The following KHDRBS2 variants were observed in gnomAD, a reference collection of about 807,000 sequenced individuals.
KHDRBS2 encodes the protein KH domain-containing, RNA-binding, signal transduction-associated protein 2.
Under a neutral mutation model 44.3 loss-of-function variants are expected in KHDRBS2, and 26 were observed. The ratio of observed to expected loss-of-function variants is 0.59; its 90% confidence interval spans 0.43 to 0.81. KHDRBS2 has a LOEUF of 0.81. Ranked by LOEUF, KHDRBS2 falls within the 40% of genes least tolerant of loss-of-function variation. The pLI, the probability that KHDRBS2 is intolerant of heterozygous loss-of-function variation, is 0.00. For missense variants in KHDRBS2, 476 were observed against 433.1 expected, an observed-to-expected ratio of 1.10 and a Z score of -0.88; for synonymous variants, 194 against 151.1, an observed-to-expected ratio of 1.28 and a Z score of -2.08.
At chr6:62,020,738 T>C (rs1305531152) in intron 3 of KHDRBS2, among the ~76,000 whole-genome samples, 5 of 152,068 alleles carry the variant, frequency 3.3e-5, no homozygotes, top group African/African-American at 1.2e-4. Context: ...AGTTATCTGA[T>C]ATAAATATGG....
chr6:62,155,466 A>G (rs1816150856), intron 2 of KHDRBS2, among the ~76,000 whole-genome samples: 1 of 152,322 alleles, frequency 6.6e-6, no homozygotes, highest in African/African-American at 2.4e-5. Flanking sequence ...TAGCAAATAC[A>G]TGGATCGGAA....
In KHDRBS2 at chr6:61,894,648, G is replaced by A; in HGVS notation, c.797C>T (p.Ala266Val). 1 of 1,611,040 alleles carries A rather than the reference G, an allele frequency of 6.2e-7. No homozygotes were observed. The highest frequency in any genetic ancestry group is 8.5e-7 in the Non-Finnish European group (1 of 1,179,070). ...YRAPPPPAHE[A>V]YEEYGYDDGY... ...AAGAGTACTTACATATTCTTCATAAGCTTCATGGGCTGGAGGAGGAGGTGC... is the reference window on the plus strand; with the variant it reads ...AAGAGTACTTACATATTCTTCATAAACTTCATGGGCTGGAGGAGGAGGTGC... The change falls in exon 6 of 9, where the codon GCT (alanine) becomes GTT (valine). Residue 266 changes from alanine (A) to valine (V), a missense_variant. Physicochemically the swap from Ala to Val is moderately conservative, Grantham distance 64. Transcript: ENST00000281156.
At chr6:62,261,337 T>C (rs1489558985) in intron 1 of KHDRBS2, among the ~76,000 whole-genome samples, 1 of 151,844 alleles carries the variant, frequency 6.6e-6, no homozygotes, top group Non-Finnish European at 1.5e-5. Context: ...CACTGGAAGA[T>C]TATAATTATC....
chr6:62,202,506 A>G (rs1286323428), intron 1 of KHDRBS2, among the ~76,000 whole-genome samples: 1 of 150,384 alleles, frequency 6.6e-6, no homozygotes, highest in African/African-American at 2.4e-5. Flanking sequence ...ACAGAGAGAG[A>G]GATTTTTTTT....
At chr6:61,987,259 C>T (rs1020278734) in intron 3 of KHDRBS2, among the ~76,000 whole-genome samples, 6 of 152,108 alleles carry the variant, frequency 3.9e-5, no homozygotes, top group Non-Finnish European at 7.4e-5. Flanking sequence ...TAGGAAGTAT[C>T]TTAGTTTTAA....
At chr6:61,840,617 A>G (rs1004603051) in intron 6 of KHDRBS2, among the ~76,000 whole-genome samples, 1 of 152,114 alleles carries the variant, frequency 6.6e-6, no homozygotes, top group Non-Finnish European at 1.5e-5. Context: ...ATTGGTATCT[A>G]CTGAGAGAGA....
chr6:61,622,066 C>T, the KHDRBS2 span, among the ~76,000 whole-genome samples: 2 of 152,180 alleles, frequency 1.3e-5, no homozygotes, highest in Admixed American at 6.5e-5. Flanking sequence ...AGAACCTGGG[C>T]AGAGGATCTA....
At chr6:61,955,287 CGTAT>C (rs1389877108) in intron 4 of KHDRBS2, among the ~76,000 whole-genome samples, 22 of 141,304 alleles carry the variant, frequency 1.6e-4, no homozygotes, top group East Asian at 1.1e-3. Flanking sequence ...TATACTCATA[CGTAT>C]GTATGTATAC....
chr6:62,042,538 C>A (rs929850967), intron 3 of KHDRBS2, among the ~76,000 whole-genome samples: 2 of 151,998 alleles, frequency 1.3e-5, no homozygotes, highest in African/African-American at 4.8e-5. Flanking sequence ...CCAGTCACAG[C>A]CTGACTGACA....
At chr6:61,887,489 C>G (rs1274489428) in intron 6 of KHDRBS2, among the ~76,000 whole-genome samples, 1 of 152,052 alleles carries the variant, frequency 6.6e-6, no homozygotes, top group Admixed American at 6.6e-5. Flanking sequence ...GTGTAACAAA[C>G]TAAAATTCAA....
chr6:62,038,678 T>A (rs73487215), intron 3 of KHDRBS2, among the ~76,000 whole-genome samples: 125 of 152,186 alleles, frequency 8.2e-4, no homozygotes, highest in African/African-American at 2.9e-3. Flanking sequence ...CCCATTATCC[T>A]CTTAATTGTA....
intron 3 of KHDRBS2, among the ~76,000 whole-genome samples, chr6:61,991,074 G>A (rs550850829): frequency 6.6e-6 from 1 of 152,192 alleles, no homozygotes; most frequent in South Asian, 2.1e-4. Flanking sequence ...GATGATTATA[G>A]TATAATAAGG....
At chr6:61,748,992 C>T (rs1476891669) in intron 6 of KHDRBS2, among the ~76,000 whole-genome samples, 4 of 141,898 alleles carry the variant, frequency 2.8e-5, no homozygotes, top group Admixed American at 1.4e-4. Context: ...ATTTCTTTTT[C>T]TTTTCTTTCT....
At chr6:61,711,543 A>G (rs1020179375) in intron 7 of KHDRBS2, among the ~76,000 whole-genome samples, 2 of 151,900 alleles carry the variant, frequency 1.3e-5, no homozygotes, top group African/African-American at 2.4e-5. Context: ...AAACAACCTA[A>G]GTTTTCAGTT....
chr6:61,942,975 G>A (rs1812438994), intron 4 of KHDRBS2, among the ~76,000 whole-genome samples: 1 of 143,398 alleles, frequency 7.0e-6, no homozygotes, highest in Admixed American at 7.2e-5. Flanking sequence ...GAGAGAGGGA[G>A]GGAGGGGGAG....
At chr6:61,859,768 A>G (rs1263951990) in intron 6 of KHDRBS2, among the ~76,000 whole-genome samples, 3 of 152,034 alleles carry the variant, frequency 2.0e-5, no homozygotes, top group South Asian at 2.1e-4. Flanking sequence ...TATATTTAAC[A>G]TATGTATATA....
At chr6:62,271,476 T>C (rs1840082248) in intron 1 of KHDRBS2, among the ~76,000 whole-genome samples, 1 of 152,228 alleles carries the variant, frequency 6.6e-6, no homozygotes, top group Admixed American at 6.5e-5. Flanking sequence ...TACTGTTATT[T>C]TAGAATATGC....
the KHDRBS2 span, among the ~76,000 whole-genome samples, chr6:61,554,285 G>T: frequency 6.6e-6 from 1 of 151,732 alleles, no homozygotes; most frequent in Non-Finnish European, 1.5e-5. Context: ...TAAAATCTTT[G>T]TTGGTTTAAA....
the KHDRBS2 span, among the ~76,000 whole-genome samples, chr6:61,638,265 G>A: frequency 6.6e-6 from 1 of 151,948 alleles, no homozygotes; most frequent in Non-Finnish European, 1.5e-5. Flanking sequence ...TATACTACAA[G>A]GCTACAGTAA....
Sources: allele counts gnomAD v4.1 joint callset (sites outside exome capture counted in the v4.1 genomes callset), GRCh38; gene constraint gnomAD v4.1.1; transcripts MANE v1.5; gene names NCBI Gene and HGNC (gene_info 2026-07-23, HGNC 2026-07-21).